The following SLC39A3 variants were observed in gnomAD, a reference collection of about 807,000 sequenced individuals.
The protein encoded by SLC39A3 is solute carrier family 39 member 3, also known as zinc transporter ZIP3.
In SLC39A3, 3 loss-of-function variants were observed where a neutral mutation model predicts 5.1. That is an observed-to-expected ratio of 0.59 (90% CI 0.27 to 1.54). The LOEUF (loss-of-function observed/expected upper bound fraction) is 1.54, where lower values mean the gene tolerates loss of function less well. Among genes scored for constraint, SLC39A3 ranks in the 40% most tolerant of loss-of-function variants. The pLI is 0.12. For missense variants in SLC39A3, 412 were observed against 436.4 expected, an observed-to-expected ratio of 0.94 and a Z score of 0.50; for synonymous variants, 250 against 218.8, an observed-to-expected ratio of 1.14 and a Z score of -1.26.
intron 1 of SLC39A3, among the ~76,000 whole-genome samples, chr19:2,738,541 C>T (rs115402709): frequency 6.6e-6 from 1 of 152,186 alleles, no homozygotes; most frequent in Non-Finnish European, 1.5e-5. Flanking sequence ...ACCTGGAACA[C>T]TGCTCTCTTT....
chr19:2,738,587 T>A (rs1330739096), intron 1 of SLC39A3, among the ~76,000 whole-genome samples: 1 of 152,160 alleles, frequency 6.6e-6, no homozygotes, highest in Admixed American at 6.5e-5. Flanking sequence ...TTCTTCTTTC[T>A]TGCTTCTCTG....
chr19:2,732,564 T>C lies in SLC39A3; in HGVS notation c.*187A>G. 1 of 1,426,968 alleles carries C rather than the reference T, an allele frequency of 7.0e-7. No homozygotes were observed. Among genetic ancestry groups the C allele is most frequent in the Non-Finnish European group, 9.1e-7 (1 of 1,095,174 alleles). The allele number at this position is 1,426,968 out of a possible 1,614,324, so 88.4% of individuals were successfully genotyped here. Reference sequence around the variant, plus strand: ...TAAGAGAAAGAAGTATTTTAAAAAGTAGCAGTGCTCTGAGGCTCAGGGTGT... The same window carrying C: ...TAAGAGAAAGAAGTATTTTAAAAAGCAGCAGTGCTCTGAGGCTCAGGGTGT... On this transcript the variant is annotated 3_prime_UTR_variant, in exon 3 of 3. Transcript: ENST00000269740.
chr19:2,732,527 G>C lies in SLC39A3; in HGVS notation c.*224C>G, dbSNP rs1914225103. 41 of 1,430,758 alleles carry C rather than the reference G, an allele frequency of 2.9e-5. No individual in the cohort carries two copies. Among genetic ancestry groups the C allele is most frequent in the Non-Finnish European group, 3.7e-5 (41 of 1,097,284 alleles). 88.6% of individuals were successfully genotyped at this position (1,430,758 alleles called of 1,614,324 possible). A position where few individuals can be genotyped will look rare whatever the true frequency, so the allele number is the denominator to read the frequency against. ...GAGGTTGACATGGCCACACAGCTTT[G>C]GTAAAGACTTTTAAGAGAAAGAAGT... On this transcript the variant is annotated 3_prime_UTR_variant, in exon 3 of 3. Coordinates refer to ENST00000269740, the MANE Select transcript of SLC39A3 (RefSeq NM_144564.5).
Position 2,737,062 on chromosome 19 carries a change from C to A in SLC39A3, c.196G>T (p.Ala66Ser), listed in dbSNP as rs745691660. The change falls in exon 2 of 3, where the codon GCT (alanine) becomes TCT (serine). Residue 66 changes from alanine (A) to serine (S), a missense_variant. Physicochemically the swap from Ala to Ser is moderately conservative, Grantham distance 99 (BLOSUM62 1). Coordinates refer to ENST00000269740, the MANE Select transcript of SLC39A3 (RefSeq NM_144564.5). Reference protein sequence around the residue: ...LATCFNALLPAVREKLQKVLS... With the variant: ...LATCFNALLPSVREKLQKVLS... ...GGAGCCCTTACCTTTTCCCTCACAG[C>A]GGGCAGCAGAGCGTTGAAGCACGTG... 3 of 1,614,178 alleles carry A rather than the reference C, an allele frequency of 1.9e-6. No homozygotes were observed. The South Asian group carries it at 3.3e-5, about 18-fold the overall frequency.
chr19:2,733,437 C>T lies in SLC39A3; in HGVS notation c.259G>A (p.Ala87Thr). ...AAGCCCAGCAGGAGGATGGTTTCGG[C>T]CAGCGGGTAGTCGGTGCTGATGTGG... is the stretch of plus-strand genomic sequence containing the variant. ...LGHISTDYPL[A>T]ETILLLGFFM... Residue 87 changes from alanine (A) to threonine (T), a missense_variant, in exon 3 of 3, where the codon GCC (alanine) becomes ACC (threonine). By Grantham distance (58) the Ala-to-Thr change is moderately conservative. Coordinates refer to ENST00000269740, the MANE Select transcript of SLC39A3 (RefSeq NM_144564.5). The surrounding 1 kb of genome is among the most constrained non-coding windows in gnomAD (Gnocchi z 6.1). 1 of 1,612,864 alleles carries T rather than the reference C, an allele frequency of 6.2e-7. No homozygotes were observed. The highest frequency in any genetic ancestry group is 2.2e-5 in the East Asian group (1 of 44,874).
intron 1 of SLC39A3, among the ~76,000 whole-genome samples, chr19:2,738,822 A>T (rs1234590288): frequency 6.6e-6 from 1 of 152,068 alleles, no homozygotes; most frequent in African/African-American, 2.4e-5. Context: ...CTGTAATCCC[A>T]GCTACTTGGG....
chr19:2,736,035 G>A, intron 2 of SLC39A3: 10 of 985,474 alleles, frequency 1.0e-5, no homozygotes, highest in Non-Finnish European at 1.2e-5. Flanking sequence ...CACTGGCCCA[G>A]AGAGAGGAAG....
At chr19:2,740,026 G>A (rs1052881328), upstream of SLC39A3, 1 of 152,230 alleles carries the variant, frequency 6.6e-6, no homozygotes, top group South Asian at 2.1e-4. Flanking sequence ...ACGCGGCCCG[G>A]AGAGGCCCCG....
In SLC39A3 at chr19:2,733,241, C is replaced by T. The variant is rs764824028; in HGVS notation, c.455G>A (p.Gly152Asp). The part of the protein sequence containing the change: ...RGHALYVEPH[G>D]HGPSLSVQGL... Reference sequence around the variant, plus strand: ...CTGCACGCTCAGGCTGGGGCCGTGGCCGTGGGGCTCCACGTACAGCGCGTG... The same window carrying T: ...CTGCACGCTCAGGCTGGGGCCGTGGTCGTGGGGCTCCACGTACAGCGCGTG... Residue 152 changes from glycine (G) to aspartate (D), a missense_variant, in exon 3 of 3, where the codon GGC becomes GAC. By Grantham distance (94) the Gly-to-Asp change is moderately conservative. Coordinates refer to ENST00000269740, the MANE Select transcript of SLC39A3 (RefSeq NM_144564.5). The surrounding 1 kb of genome is among the most constrained non-coding windows in gnomAD (Gnocchi z 6.1). 1.9e-6 allele frequency: 3 copies of T among 1,609,138 alleles called. No individual in the cohort carries two copies. The highest frequency in any genetic ancestry group is 2.5e-6 in the Non-Finnish European group (3 of 1,177,740).
chr19:2,735,748 A>T lies in SLC39A3; in HGVS notation c.210+1300T>A. ...ACGCACGGCAGTCCCAGCCCTACCC[A>T]CACTCGAGGGGAGGGAAGAGCATGG... On this transcript the variant is annotated intron_variant, in intron 2 of 2. Transcript: ENST00000269740. The surrounding 1 kb of genome is among the most constrained non-coding windows in gnomAD (Gnocchi z 5.7). 1.3e-6 allele frequency: 1 copy of T among 747,060 alleles called. No individual in the cohort carries two copies. The highest frequency in any genetic ancestry group is 1.6e-6 in the Non-Finnish European group (1 of 613,068). The allele number at this position is 747,060 out of a possible 1,614,324, so 46.3% of individuals were successfully genotyped here. A position where few individuals can be genotyped will look rare whatever the true frequency, so the allele number is the denominator to read the frequency against.
chr19:2,736,741 CCATGCTTT>C, intron 2 of SLC39A3: 1 of 1,427,370 alleles, frequency 7.0e-7, no homozygotes, highest in African/African-American at 1.4e-5. Flanking sequence ...CGAAGAGAGG[CCATGCTTT>C]CCAGCTTCAG....
In SLC39A3 at chr19:2,737,151, T is replaced by C; in HGVS notation, c.107A>G (p.Lys36Arg). Residue 36 changes from lysine (K) to arginine (R), a missense_variant, in exon 2 of 3, where the codon AAG becomes AGG. By Grantham distance (26) the Lys-to-Arg change is conservative. Transcript: ENST00000269740. ...PVKIIETDFE[K>R]AHRSKKILSL... is the part of the protein sequence containing the mutation. ...GAGGATCTTTTTCGAGCGATGGGCC[T>C]TCTCAAAATCTGTCTCGATGATCTT... is the stretch of plus-strand genomic sequence containing the variant. 2 of 1,614,102 alleles carry C rather than the reference T, an allele frequency of 1.2e-6. No individual in the cohort carries two copies. Among genetic ancestry groups the C allele is most frequent in the South Asian group, 2.2e-5 (2 of 91,064 alleles).
Position 2,734,976 on chromosome 19 carries a change from G to A in SLC39A3, c.211-1491C>T. Reference sequence around the variant, plus strand: ...CTGAGAGCCTGGCCCTGCAGTGGGTGAGGCTGGGGGCTCGGGAGTAGGGAC... The same window carrying A: ...CTGAGAGCCTGGCCCTGCAGTGGGTAAGGCTGGGGGCTCGGGAGTAGGGAC... On this transcript the variant is annotated intron_variant, in intron 2 of 2. Coordinates refer to ENST00000269740, the MANE Select transcript of SLC39A3 (RefSeq NM_144564.5). The surrounding 1 kb of genome is among the most constrained non-coding windows in gnomAD (Gnocchi z 4.6). The A allele has an allele frequency of 7.1e-6, 7 of 985,536 alleles. No individual in the cohort carries two copies. Among genetic ancestry groups the A allele is most frequent in the Non-Finnish European group, 8.4e-6 (7 of 830,000 alleles). 61.0% of individuals were successfully genotyped at this position (985,536 alleles called of 1,614,324 possible).
At position 2,733,428 on chromosome 19, in the gene SLC39A3, T is replaced by C; in HGVS notation, c.268A>G (p.Ile90Val). The change falls in exon 3 of 3, where the codon ATC becomes GTC. Residue 90 changes from isoleucine to valine, a missense_variant. By Grantham distance (29) the Ile-to-Val change is conservative (BLOSUM62 3). Coordinates refer to ENST00000269740, the MANE Select transcript of SLC39A3 (RefSeq NM_144564.5). This position sits in a 1 kb window ranked among gnomAD's most constrained non-coding sequence, Gnocchi z 6.1. ...GTCATGAAGAAGCCCAGCAGGAGGA[T>C]GGTTTCGGCCAGCGGGTAGTCGGTG... ...ISTDYPLAET[I>V]LLLGFFMTVF... The C allele has an allele frequency of 1.2e-6, 2 of 1,612,680 alleles. No homozygotes were observed. The highest frequency in any genetic ancestry group is 1.7e-6 in the Non-Finnish European group (2 of 1,179,948).
In SLC39A3 at chr19:2,732,819, G is replaced by T; in HGVS notation, c.877C>A (p.Leu293Met). Reference protein sequence around the residue: ...AKELEEKSDRLLKVLFLVLGY... With the variant: ...AKELEEKSDRMLKVLFLVLGY... The stretch of plus-strand genomic sequence containing the variant: ...AGCACCAGGAAGAGGACCTTGAGCA[G>T]ACGGTCACTCTTCTCCTCCAGCTCC... The change falls in exon 3 of 3, where the codon CTG (leucine) becomes ATG (methionine). Residue 293 changes from leucine (L) to methionine (M), a missense_variant. Leu to Met is a conservative substitution (Grantham distance 15). Transcript: ENST00000269740. 1.9e-6 allele frequency: 3 copies of T among 1,611,638 alleles called. No individual in the cohort carries two copies. Among genetic ancestry groups the T allele is most frequent in the Non-Finnish European group, 2.5e-6 (3 of 1,179,216 alleles).
At chr19:2,736,385 T>C in intron 2 of SLC39A3, 1 of 199,148 alleles carries the variant, frequency 5.0e-6, no homozygotes, top group Non-Finnish European at 9.3e-6. Context: ...GGCCATCTTC[T>C]CCATTTGCTG....
chr19:2,734,648 T>TG lies in SLC39A3; in HGVS notation c.211-1164dup, dbSNP rs1372216304. 1.3e-6 allele frequency: 1 copy of TG among 793,724 alleles called. No individual in the cohort carries two copies. The highest frequency in any genetic ancestry group is 1.3e-4 in the East Asian group (1 of 7,950). The allele number at this position is 793,724 out of a possible 1,614,324, so 49.2% of individuals were successfully genotyped here. On this transcript the variant is annotated intron_variant, in intron 2 of 2. Coordinates refer to ENST00000269740, the MANE Select transcript of SLC39A3 (RefSeq NM_144564.5). This position sits in a 1 kb window ranked among gnomAD's most constrained non-coding sequence, Gnocchi z 4.6. Reference sequence around the variant, plus strand: ...GCAGGGTGCTGCTGAGCAGTGTCTCTGGCCTCCACCCACTCCAGGCCAGGA... The same window carrying TG: ...GCAGGGTGCTGCTGAGCAGTGTCTCTGGGCCTCCACCCACTCCAGGCCAGGA...
chr19:2,736,511 C>A, intron 2 of SLC39A3: 1 of 191,966 alleles, frequency 5.2e-6, no homozygotes, highest in Non-Finnish European at 1.0e-5. Context: ...GGAACTGAAC[C>A]TGGCTTACAA....
rs1427448762 is a variant in SLC39A3 at position 2,733,981 on chromosome 19, T to G, written c.211-496A>C. On this transcript the variant is annotated intron_variant, in intron 2 of 2. Transcript: ENST00000269740. The surrounding 1 kb of genome is among the most constrained non-coding windows in gnomAD (Gnocchi z 6.1). ...AGAGCTGCACTGGCCTTGCGTGTTC[T>G]GCCGCGGGGCCTCCTCTCTGCTTCC... Among the ~76,000 whole-genome samples the G allele has an allele frequency of 6.6e-6, 1 of 152,220 alleles. No homozygotes were observed. The highest frequency in any genetic ancestry group is 1.9e-4 in the East Asian group (1 of 5,192).
Sources: gnomAD v4.1 joint callset for allele counts (sites outside exome capture counted in the v4.1 genomes callset) on GRCh38, gnomAD v4.1.1 for gene constraint, Gnocchi (gnomAD v3.1) non-coding constraint, MANE v1.5 for transcripts, NCBI Gene and HGNC (gene_info 2026-07-23, HGNC 2026-07-21) for gene names.